USP8: variants seen among roughly 807,000 people sequenced by gnomAD.
USP8 encodes ubiquitin carboxyl-terminal hydrolase 8.
A neutral mutation model predicts 130.0 loss-of-function variants in USP8; 27 were observed. The ratio of observed to expected loss-of-function variants is 0.21; its 90% CI spans 0.15 to 0.29. The LOEUF (loss-of-function observed/expected upper bound fraction) is 0.29. USP8 is among the 10% of genes least tolerant of loss of function. The pLI is 1.00. For missense variants in USP8, 1,029 were observed against 1,312.2 expected, an observed-to-expected ratio of 0.78 and a Z score of 3.33; for synonymous variants, 392 against 444.1, an observed-to-expected ratio of 0.88 and a Z score of 1.48.
chr15:50,471,717 A>C lies in USP8; in HGVS notation c.771A>C (p.Val257=), dbSNP rs543838691. 6.2e-7 allele frequency: 1 copy of C among 1,614,126 alleles called. No individual in the cohort carries two copies. Among genetic ancestry groups the C allele is most frequent in the East Asian group, 2.2e-5 (1 of 44,864 alleles). The change falls in exon 8 of 20, where the codon GTA becomes GTC. Residue 257 remains valine, a synonymous_variant. Transcript: ENST00000307179. Reference sequence around the variant, plus strand: ...AGAGGGGGAATGTGGAGTATGTGGTACTTCTTGACTGGTTTAGTTCTGCCA... The same window carrying C: ...AGAGGGGGAATGTGGAGTATGTGGTCCTTCTTGACTGGTTTAGTTCTGCCA... ...WKKRGNVEYV[V]LLDWFSSAKD...
In USP8 at chr15:50,497,083, TGCCAG is replaced by T; in HGVS notation, c.2896-4_2896del. Reference sequence around the variant, plus strand: ...CGAGTATCTGCTACTTGTTTTTTTCTGCCAGGATTGCCTTAGATTATTTTCCAAAG... The same window carrying T: ...CGAGTATCTGCTACTTGTTTTTTTCTGATTGCCTTAGATTATTTTCCAAAG... On this transcript the variant is annotated splice_acceptor_variant and splice_polypyrimidine_tract_variant and intron_variant, in intron 17 of 19. Coordinates refer to ENST00000307179, the MANE Select transcript of USP8 (RefSeq NM_005154.5). LOFTEE classifies it high-confidence loss of function. The T allele has an allele frequency of 6.3e-7, 1 of 1,586,398 alleles. No homozygotes were observed. Among genetic ancestry groups the T allele is most frequent in the Admixed American group, 1.9e-5 (1 of 52,802 alleles).
Position 50,502,908 on chromosome 15 carries a change from A to G in USP8, c.*3820A>G, listed in dbSNP as rs1232643088. Reference sequence around the variant, plus strand: ...GAGCTTTAATTTCTCATCTATTAACATGGCTTGTTTTGTATAGCTGTTATC... The same window carrying G: ...GAGCTTTAATTTCTCATCTATTAACGTGGCTTGTTTTGTATAGCTGTTATC... On this transcript the variant is annotated 3_prime_UTR_variant, in exon 20 of 20. Transcript: ENST00000307179. 1 of 152,242 alleles carries G rather than the reference A, an allele frequency of 6.6e-6. No individual in the cohort carries two copies. Among genetic ancestry groups the G allele is most frequent in the Non-Finnish European group, 1.5e-5 (1 of 68,060 alleles). The allele number at this position is 152,242 out of a possible 1,614,324, so 9.4% of individuals were successfully genotyped here. A position where few individuals can be genotyped will look rare whatever the true frequency, so the allele number is the denominator to read the frequency against.
rs2052577971 is a variant in USP8, at chr15:50,501,081, G to T, written c.*1993G>T. On this transcript the variant is annotated 3_prime_UTR_variant, in exon 20 of 20. Transcript: ENST00000307179. ...GAATAAAGAAAGACAATATTTAGCA[G>T]CATCTGATTAATGTTTATCAGTGAA... is the stretch of plus-strand genomic sequence containing the variant. The T allele has an allele frequency of 4.7e-6, 2 of 428,602 alleles. No individual in the cohort carries two copies. Among genetic ancestry groups the T allele is most frequent in the Non-Finnish European group, 4.3e-6 (1 of 230,122 alleles). 26.5% of individuals were successfully genotyped at this position (428,602 alleles called of 1,614,324 possible).
chr15:50,470,602 C>CTTT (rs869062114), intron 7 of USP8, among the ~76,000 whole-genome samples: 2 of 132,394 alleles, frequency 1.5e-5, no homozygotes, highest in Admixed American at 7.8e-5. Flanking sequence ...AGGACTTTAG[C>CTTT]TTTTTTTTTT....
At chr15:50,449,602 G>A in intron 4 of USP8, 117 bp downstream of exon 4, 2 of 689,204 alleles carry the variant, frequency 2.9e-6, no homozygotes, top group Non-Finnish European at 4.2e-6. Context: ...TTTTGAGACA[G>A]AGTCTCGCGC....
intron 7 of USP8, among the ~76,000 whole-genome samples, chr15:50,468,873 C>G (rs2051285415): frequency 6.6e-6 from 1 of 152,130 alleles, no homozygotes; most frequent in African/African-American, 2.4e-5. Flanking sequence ...TGAATGCACC[C>G]ACTTAATTGG....
At chr15:50,426,288 G>GA (rs1001995565) in intron 1 of USP8, among the ~76,000 whole-genome samples, 5 of 151,736 alleles carry the variant, frequency 3.3e-5, no homozygotes, top group African/African-American at 1.2e-4. Flanking sequence ...GAAGTGAAAG[G>GA]AAAAAAATGT....
intron 3 of USP8, among the ~76,000 whole-genome samples, chr15:50,447,793 G>A (rs551556817): frequency 5.3e-5 from 8 of 150,310 alleles, no homozygotes; most frequent in Admixed American, 1.3e-4. Context: ...TGTGGGGAAC[G>A]GGGTCTCACT....
intron 5 of USP8, among the ~76,000 whole-genome samples, chr15:50,459,996 C>CCCCCTTT (rs567135111): frequency 2.2e-5 from 2 of 91,986 alleles, no homozygotes; most frequent in Non-Finnish European, 4.2e-5. Flanking sequence ...CACCCCCCCC[C>CCCCCTTT]TTTTTTTTTT....
chr15:50,449,410 A>G lies in USP8; in HGVS notation c.260A>G (p.His87Arg). Residue 87 changes from histidine to arginine, a missense_variant, in exon 4 of 20, where the codon CAT (histidine) becomes CGT (arginine). By Grantham distance (29) the His-to-Arg change is conservative (BLOSUM62 0). Coordinates refer to ENST00000307179, the MANE Select transcript of USP8 (RefSeq NM_005154.5). ...PDFKQQQDYF[H>R]SILGPGNIKK... ...TTCCTATAATTTTAGGATTATTTCC[A>G]TTCAATACTTGGACCTGGAAACATC... 3.8e-6 allele frequency: 6 copies of G among 1,579,534 alleles called. No homozygotes were observed. The highest frequency in any genetic ancestry group is 5.2e-6 in the Non-Finnish European group (6 of 1,162,328).
Position 50,513,020 on chromosome 15 carries a change from G to A in USP8, c.*13932G>A, listed in dbSNP as rs1276240817. The A allele has an allele frequency of 6.6e-6, 1 of 152,132 alleles. No homozygotes were observed. The highest frequency in any genetic ancestry group is 1.9e-4 in the East Asian group (1 of 5,204). 9.4% of individuals were successfully genotyped at this position (152,132 alleles called of 1,614,324 possible). Reference sequence around the variant, plus strand: ...AATCAATAAGAAGAAAAATAACCCAGTTTGTAAAAAATGTGCAAAAGACAA... The same window carrying A: ...AATCAATAAGAAGAAAAATAACCCAATTTGTAAAAAATGTGCAAAAGACAA... On this transcript the variant is annotated 3_prime_UTR_variant, in exon 20 of 20. Transcript: ENST00000307179.
chr15:50,491,033 G>C (rs1483625107), intron 14 of USP8, among the ~76,000 whole-genome samples: 1 of 152,002 alleles, frequency 6.6e-6, no homozygotes, highest in African/African-American at 2.4e-5. Flanking sequence ...TTGCTATTCT[G>C]TTTACAAATA....
At chr15:50,492,587 T>C in intron 14 of USP8, 114 bp from the exon 15 acceptor site, 1 of 987,340 alleles carries the variant, frequency 1.0e-6, no homozygotes, top group Non-Finnish European at 1.5e-6. Context: ...ACATATTAAC[T>C]GTTTACAAGA....
chr15:50,440,503 G>C (rs1057173032), intron 2 of USP8, among the ~76,000 whole-genome samples: 1 of 152,194 alleles, frequency 6.6e-6, no homozygotes, highest in Admixed American at 6.5e-5. Context: ...AGGGAGGATA[G>C]TTTTGGGATG....
intron 4 of USP8, among the ~76,000 whole-genome samples, chr15:50,452,007 C>A (rs181441129): frequency 1.5e-4 from 23 of 152,328 alleles, no homozygotes; most frequent in South Asian, 6.2e-4. Context: ...GGGTCCGTGG[C>A]CTGCTGGCCC....
In USP8 at chr15:50,511,644, T is replaced by C. The variant is rs1005642263; in HGVS notation, c.*12556T>C. ...ACATGAATGAAACTTGAAAACATTA[T>C]GCTGAATAAAAGAAAATAAAAACAG... On this transcript the variant is annotated 3_prime_UTR_variant, in exon 20 of 20. Coordinates refer to ENST00000307179, the MANE Select transcript of USP8 (RefSeq NM_005154.5). 1.3e-5 allele frequency: 2 copies of C among 152,230 alleles called. No individual in the cohort carries two copies. Among genetic ancestry groups the C allele is most frequent in the African/African-American group, 4.8e-5 (2 of 41,458 alleles). 9.4% of individuals were successfully genotyped at this position (152,230 alleles called of 1,614,324 possible).
At chr15:50,446,828 CT>C (rs1270933100) in intron 3 of USP8, among the ~76,000 whole-genome samples, 12 of 152,176 alleles carry the variant, frequency 7.9e-5, no homozygotes, top group Admixed American at 7.9e-4. Flanking sequence ...TACAGTGGCA[CT>C]ATCATGGCTC....
At chr15:50,488,827 C>G (rs1326766020) in intron 12 of USP8, among the ~76,000 whole-genome samples, 1 of 151,882 alleles carries the variant, frequency 6.6e-6, no homozygotes, top group African/African-American at 2.4e-5. Flanking sequence ...CCTGCCTCGG[C>G]CTCCCAAAGC....
intron 4 of USP8, among the ~76,000 whole-genome samples, chr15:50,455,237 A>C (rs917053331): frequency 6.6e-6 from 1 of 151,036 alleles, no homozygotes; most frequent in South Asian, 2.2e-4. Flanking sequence ...CACCAGGCCC[A>C]GTTAGTTTTT....
Sources: gnomAD v4.1 joint callset for allele counts (sites outside exome capture counted in the v4.1 genomes callset) on GRCh38, gnomAD v4.1.1 for gene constraint, MANE v1.5 for transcripts, NCBI Gene and HGNC (gene_info 2026-07-23, HGNC 2026-07-21) for gene names.